Variants in PLCB1 observed in about 807,000 individuals in gnomAD.
PLCB1 encodes phospholipase C beta 1, also known as 1-phosphatidylinositol 4,5-bisphosphate phosphodiesterase beta-1.
In PLCB1, 46 loss-of-function variants were observed where a neutral mutation model predicts 161.8. That is an observed-to-expected ratio of 0.28 (90% CI 0.22 to 0.36). The LOEUF (loss-of-function observed/expected upper bound fraction) is 0.36, where lower values mean the gene tolerates loss of function less well. Ranked by LOEUF, PLCB1 falls within the 10% of genes least tolerant of loss-of-function variation. The pLI is 1.00. For missense variants in PLCB1, 1,016 were observed against 1,472.5 expected (o/e 0.69, Z 5.07); for synonymous variants, 517 against 503.7 (o/e 1.03, Z -0.35).
chr20:8,354,538 A>G (rs1480294444), intron 2 of PLCB1, among the ~76,000 whole-genome samples: 1 of 152,210 alleles, frequency 6.6e-6, no homozygotes, highest in East Asian at 1.9e-4. Flanking sequence ...ACCTTACAAC[A>G]CAAGGCAAGA....
chr20:8,347,242 A>G (rs1278090970), intron 2 of PLCB1, among the ~76,000 whole-genome samples: 1 of 152,258 alleles, frequency 6.6e-6, no homozygotes, highest in Non-Finnish European at 1.5e-5. Context: ...CAATAATGTC[A>G]TAGCAAGCAC....
At chr20:8,140,308 C>G (rs2051389710) in intron 1 of PLCB1, among the ~76,000 whole-genome samples, 2 of 152,224 alleles carry the variant, frequency 1.3e-5, no homozygotes, top group Non-Finnish European at 2.9e-5. Context: ...GTCCCTTTAT[C>G]TTCAAAATTC....
chr20:8,797,388 T>G (rs1011660733), intron 31 of PLCB1, among the ~76,000 whole-genome samples: 13 of 141,162 alleles, frequency 9.2e-5, no homozygotes, highest in African/African-American at 3.5e-4. Context: ...TTCTGTCATT[T>G]TTTTTCTTTC....
At chr20:8,529,094 T>C (rs377305460) in intron 3 of PLCB1, among the ~76,000 whole-genome samples, 30 of 152,188 alleles carry the variant, frequency 2.0e-4, no homozygotes, top group East Asian at 1.4e-3. Flanking sequence ...TCCTTTGTAC[T>C]GAAATTTTTA....
At chr20:8,808,313 C>A (rs1984641956) in intron 31 of PLCB1, among the ~76,000 whole-genome samples, 1 of 152,176 alleles carries the variant, frequency 6.6e-6, no homozygotes, top group Non-Finnish European at 1.5e-5. Context: ...CAGACAGTGG[C>A]TTTTTGCCAT....
chr20:8,180,557 CAG>C (rs2051830500), intron 2 of PLCB1, among the ~76,000 whole-genome samples: 1 of 152,004 alleles, frequency 6.6e-6, no homozygotes, highest in Non-Finnish European at 1.5e-5. Flanking sequence ...ATATAAGAAA[CAG>C]AGTTGAATTT....
intron 3 of PLCB1, among the ~76,000 whole-genome samples, chr20:8,586,034 C>T (rs972041449): frequency 2.0e-5 from 3 of 152,168 alleles, no homozygotes; most frequent in African/African-American, 2.4e-5. Flanking sequence ...AATAAATGCT[C>T]GCTGAATGAA....
chr20:8,423,011 C>A (rs899019328), intron 3 of PLCB1, among the ~76,000 whole-genome samples: 2 of 152,170 alleles, frequency 1.3e-5, no homozygotes, highest in Non-Finnish European at 2.9e-5. Flanking sequence ...TGGCACAGAG[C>A]AAACACTATA....
rs1989706921 is a variant in PLCB1, at chr20:8,662,579, CAT to C, written c.862+3877_862+3878del. ...ATATAATTACAATATATATTATTAA[CAT>C]AATATCTAAATATATTAATAATCTA... On this transcript the variant is annotated intron_variant, in intron 9 of 31. Transcript: ENST00000338037. Among the ~76,000 whole-genome samples, 3 of 142,582 alleles carry C rather than the reference CAT, an allele frequency of 2.1e-5. No homozygotes were observed. The South Asian group carries it at 6.5e-4, about 31-fold the overall frequency. The allele number at this position is 142,582 out of a possible 152,430, so 93.5% of individuals were successfully genotyped here.
Position 8,788,670 on chromosome 20 carries a change from A to C in PLCB1, c.3226A>C (p.Arg1076=). ...ATTAAAGAAGAAAATGGATAAAAAG[A>C]GGCAGGAGAAGATAACAGAAGCTAA... ...KELKKKMDKK[R]QEKITEAKSK... Residue 1076 remains arginine (R), a synonymous_variant, in exon 29 of 32, where the codon AGG becomes CGG. Coordinates refer to ENST00000338037, the MANE Select transcript of PLCB1 (RefSeq NM_015192.4). The C allele has an allele frequency of 1.2e-6, 2 of 1,611,598 alleles. No individual in the cohort carries two copies. The highest frequency in any genetic ancestry group is 1.7e-6 in the Non-Finnish European group (2 of 1,178,916).
At chr20:8,423,751 T>C (rs987647710) in intron 3 of PLCB1, among the ~76,000 whole-genome samples, 1 of 152,168 alleles carries the variant, frequency 6.6e-6, no homozygotes, top group African/African-American at 2.4e-5. Context: ...GAAACTCAAA[T>C]TAACAACAGA....
intron 27 of PLCB1, among the ~76,000 whole-genome samples, chr20:8,778,518 A>G (rs181805301): frequency 6.6e-6 from 1 of 152,260 alleles, no homozygotes; most frequent in East Asian, 1.9e-4. Flanking sequence ...TAGAAATCCT[A>G]CTAGAGGTGG....
rs578135710 is a variant in PLCB1 at position 8,371,358 on chromosome 20, C to T, written c.178-24C>T. 3.4e-5 allele frequency: 54 copies of T among 1,579,536 alleles called. 1 individual carries two copies. The highest frequency in any genetic ancestry group is 1.6e-4 in the South Asian group (14 of 88,766). ...AGGAAAGGTCTGTGTCGTTGCTTAA[C>T]GATTTCACGTTTTTGCCTTCCAGGA... On this transcript the variant is annotated intron_variant, in intron 2 of 31. Transcript: ENST00000338037.
intron 4 of PLCB1, among the ~76,000 whole-genome samples, chr20:8,644,393 C>G (rs184560596): frequency 2.1e-5 from 3 of 142,788 alleles, no homozygotes; most frequent in African/African-American, 8.2e-5. Flanking sequence ...AAGTGAGGAG[C>G]GTCTCTGCCC....
intron 2 of PLCB1, among the ~76,000 whole-genome samples, chr20:8,274,167 C>CCA (rs199978956): frequency 1.3e-5 from 2 of 151,772 alleles, no homozygotes; most frequent in South Asian, 2.1e-4. Context: ...TGTTTTTGCA[C>CCA]CACACACACA....
intron 2 of PLCB1, among the ~76,000 whole-genome samples, chr20:8,317,336 T>C (rs114463559): frequency 6.6e-6 from 1 of 152,222 alleles, no homozygotes; most frequent in African/African-American, 2.4e-5. Context: ...ATTCTGGATG[T>C]CTGTAATCAA....
At chr20:8,713,507 A>T (rs1053909166) in intron 12 of PLCB1, among the ~76,000 whole-genome samples, 13 of 152,172 alleles carry the variant, frequency 8.5e-5, no homozygotes, top group Admixed American at 7.9e-4. Flanking sequence ...AAACGTCTAC[A>T]TTAGACATAG....
intron 30 of PLCB1, among the ~76,000 whole-genome samples, 161 bp from the exon 31 acceptor site, chr20:8,790,014 C>T (rs1464592659): frequency 6.6e-6 from 1 of 152,176 alleles, no homozygotes; most frequent in East Asian, 1.9e-4. Flanking sequence ...CACCTAGCTT[C>T]AACACTTACT....
intron 10 of PLCB1, among the ~76,000 whole-genome samples, chr20:8,695,949 T>C (rs1990575275): frequency 6.6e-6 from 1 of 152,216 alleles, no homozygotes. Context: ...TTCAGGTGCC[T>C]TCATTATAAC....
Sources: allele counts gnomAD v4.1 joint callset (sites outside exome capture counted in the v4.1 genomes callset), GRCh38; gene constraint gnomAD v4.1.1; transcripts MANE v1.5; gene names NCBI Gene and HGNC (gene_info 2026-07-23, HGNC 2026-07-21).